The following PCBP2 variants were observed in gnomAD, a reference collection of about 807,000 sequenced individuals.
PCBP2 encodes poly(rC) binding protein 2.
PCBP2 carries 4 observed loss-of-function variants against 50.1 expected under a neutral mutation model. The ratio of observed to expected loss-of-function variants is 0.08; its 90% CI spans 0.04 to 0.18. The LOEUF (loss-of-function observed/expected upper bound fraction) is 0.18, where lower values mean the gene tolerates loss of function less well. Ranked by LOEUF, PCBP2 falls within the 10% of genes least tolerant of loss-of-function variation. PCBP2 has a pLI of 1.00. For synonymous variants in PCBP2, 179 were observed against 168.0 expected (o/e 1.07, Z -0.51); for missense variants, 161 against 474.3 (o/e 0.34, Z 6.14).
intron 5 of PCBP2, among the ~76,000 whole-genome samples, chr12:53,458,490 A>G (rs1230534287): frequency 6.6e-6 from 1 of 150,766 alleles, no homozygotes; most frequent in East Asian, 2.0e-4. Context: ...GTGTTTTTGT[A>G]GAGATGGGGT....
At chr12:53,477,272 C>T (rs1942652415) in intron 14 of PCBP2, among the ~76,000 whole-genome samples, 1 of 152,108 alleles carries the variant, frequency 6.6e-6, no homozygotes, top group Admixed American at 6.6e-5. Flanking sequence ...CTTTCTTAGA[C>T]CTTCAGTTCT....
chr12:53,472,121 C>G (rs1942286610), intron 14 of PCBP2, among the ~76,000 whole-genome samples: 1 of 152,016 alleles, frequency 6.6e-6, no homozygotes, highest in Non-Finnish European at 1.5e-5. Context: ...AAATGTGGGT[C>G]TCTCTTGTTC....
intron 8 of PCBP2, 102 bp downstream of exon 8, chr12:53,462,669 C>T: frequency 1.2e-6 from 1 of 848,140 alleles, no homozygotes; most frequent in East Asian, 2.6e-5. Flanking sequence ...TTGCTGAAAC[C>T]TATACTCTGG....
At chr12:53,460,877 A>AGT in intron 6 of PCBP2, 138 bp from the exon 7 acceptor site, 1 of 851,774 alleles carries the variant, frequency 1.2e-6, no homozygotes, top group Non-Finnish European at 1.8e-6. Context: ...ATAAGGGAAG[A>AGT]GTGGGACAAA....
intron 6 of PCBP2, 105 bp from the exon 7 acceptor site, chr12:53,460,910 A>G: frequency 8.1e-7 from 1 of 1,239,474 alleles, no homozygotes. Flanking sequence ...AAGATTGGAA[A>G]TGGATAAATA....
At chr12:53,453,203 TTTTG>T (rs1167892770) in intron 1 of PCBP2, 2 of 148,098 alleles carry the variant, frequency 1.4e-5, no homozygotes, top group African/African-American at 5.3e-5. Flanking sequence ...AGGTTTCCTG[TTTTG>T]TTTTTTTTTT....
intron 6 of PCBP2, 63 bp downstream of exon 6, chr12:53,459,466 T>A: frequency 6.7e-7 from 1 of 1,502,138 alleles, no homozygotes; most frequent in Admixed American, 1.8e-5. Flanking sequence ...GCTCTTTGTA[T>A]GGCTAGGAAA....
intron 6 of PCBP2, chr12:53,460,444 C>A: frequency 7.1e-6 from 2 of 282,304 alleles, no homozygotes; most frequent in Non-Finnish European, 1.5e-5. Context: ...CTGTGCCTGG[C>A]CCCTACTTCC....
Position 53,467,201 on chromosome 12 carries a change from C to T in PCBP2, c.715-20C>T, listed in dbSNP as rs1284775417. ...CTCTGTTAAATCTTCTAATGCCAAC[C>T]TCCTGTTTCCTCCTTGCAGTTGACC... On this transcript the variant is annotated intron_variant, in intron 10 of 14. Transcript: ENST00000546463. 6 of 1,601,840 alleles carry T rather than the reference C, an allele frequency of 3.7e-6. No individual in the cohort carries two copies. Among genetic ancestry groups the T allele is most frequent in the East Asian group, 2.2e-5 (1 of 44,806 alleles).
At chr12:53,454,969 G>T (rs1279514203) in intron 2 of PCBP2, 100 bp downstream of exon 2, 1 of 992,328 alleles carries the variant, frequency 1.0e-6, no homozygotes, top group Non-Finnish European at 1.6e-6. Context: ...GCACTGTGGG[G>T]CATCTGGCTT....
At chr12:53,467,416 T>TG in intron 11 of PCBP2, 123 bp downstream of exon 11, 2 of 855,546 alleles carry the variant, frequency 2.3e-6, no homozygotes, top group East Asian at 2.4e-5. Flanking sequence ...GGTTTAAACT[T>TG]GCCTGTCTAC....
intron 14 of PCBP2, among the ~76,000 whole-genome samples, chr12:53,478,498 T>C (rs913020998): frequency 1.3e-5 from 2 of 151,112 alleles, no homozygotes; most frequent in Non-Finnish European, 2.9e-5. Flanking sequence ...AAACTCAGTC[T>C]CAAAAAAATA....
In PCBP2 at chr12:53,454,765, CCACT is replaced by C. The variant is rs747325499; in HGVS notation, c.-33_-30del. 17 of 1,584,470 alleles carry C rather than the reference CCACT, an allele frequency of 1.1e-5. No homozygotes were observed. The Admixed American group carries it at 2.7e-4, about 25-fold the overall frequency. On this transcript the variant is annotated 5_prime_UTR_variant, in exon 2 of 15. Coordinates refer to ENST00000546463, the MANE Select transcript of PCBP2 (RefSeq NM_031989.5). ...CCCCAACCAGTGACCAAAGACTTGA[CCACT>C]CAAAGTCCAGCTCCCCAGAACACTG... is the stretch of plus-strand genomic sequence containing the variant.
At chr12:53,466,523 C>T (rs564644460) in intron 10 of PCBP2, among the ~76,000 whole-genome samples, 2 of 152,322 alleles carry the variant, frequency 1.3e-5, no homozygotes, top group South Asian at 4.1e-4. Flanking sequence ...GGTATTTAGA[C>T]TTCAAGGGCA....
intron 8 of PCBP2, 121 bp downstream of exon 8, chr12:53,462,688 T>A (rs1941531097): frequency 3.0e-6 from 2 of 663,994 alleles, no homozygotes; most frequent in Non-Finnish European, 4.9e-6. Flanking sequence ...GGCCATAGTT[T>A]GACCGGCTTT....
At chr12:53,469,631 TAGG>T (rs1204052672) in intron 13 of PCBP2, among the ~76,000 whole-genome samples, 1 of 151,954 alleles carries the variant, frequency 6.6e-6, no homozygotes, top group Non-Finnish European at 1.5e-5. Flanking sequence ...GAGGCTAAGG[TAGG>T]AGAATTGCTT....
In PCBP2 at chr12:53,467,311, T is replaced by C. The variant is rs1352402688; in HGVS notation, c.787+18T>C. The C allele has an allele frequency of 6.3e-7, 1 of 1,595,888 alleles. No homozygotes were observed. Among genetic ancestry groups the C allele is most frequent in the South Asian group, 1.1e-5 (1 of 90,706 alleles). On this transcript the variant is annotated intron_variant, in intron 11 of 14. Coordinates refer to ENST00000546463, the MANE Select transcript of PCBP2 (RefSeq NM_031989.5). ...ATTCAGTGGTATGGATACCTCAGTG[T>C]TTATTTCTGTAAGGTGTAGTGCAAG...
intron 1 of PCBP2, among the ~76,000 whole-genome samples, chr12:53,453,465 T>C (rs927044702): frequency 1.3e-5 from 2 of 152,222 alleles, no homozygotes; most frequent in African/African-American, 4.8e-5. Flanking sequence ...GCTTTGGGGA[T>C]GCACTTATAT....
At chr12:53,479,305 C>A in intron 14 of PCBP2, 101 bp from the exon 15 acceptor site, 1 of 1,016,318 alleles carries the variant, frequency 9.8e-7, no homozygotes, top group South Asian at 1.3e-5. Context: ...CCTTGGTACT[C>A]CAGCACTGGT....
Sources: allele counts gnomAD v4.1 joint callset (sites outside exome capture counted in the v4.1 genomes callset), GRCh38; gene constraint gnomAD v4.1.1; transcripts MANE v1.5; gene names NCBI Gene and HGNC (gene_info 2026-07-23, HGNC 2026-07-21).